Variants in UBQLN1 observed in about 807,000 individuals in gnomAD.
The protein encoded by UBQLN1 is ubiquilin 1.
UBQLN1 carries 13 observed loss-of-function variants against 65.4 expected under a neutral mutation model. The observed-to-expected ratio is 0.20, with a 90% CI of 0.13 to 0.32. The LOEUF (loss-of-function observed/expected upper bound fraction) is 0.32. UBQLN1 is among the 10% of genes least tolerant of loss of function. The pLI, the probability that UBQLN1 is intolerant of heterozygous loss-of-function variation, is 1.00. For missense variants in UBQLN1, 561 were observed against 724.0 expected (o/e 0.77, Z 2.58); for synonymous variants, 267 against 247.8 (o/e 1.08, Z -0.73).
chr9:83,692,394 C>T (rs1832142973), intron 1 of UBQLN1, among the ~76,000 whole-genome samples: 1 of 152,142 alleles, frequency 6.6e-6, no homozygotes, highest in Non-Finnish European at 1.5e-5. Flanking sequence ...ACTTCCTTGT[C>T]TGTTTAATCT....
At chr9:83,701,153 T>C (rs973293893) in intron 1 of UBQLN1, among the ~76,000 whole-genome samples, 11 of 152,190 alleles carry the variant, frequency 7.2e-5, no homozygotes, top group African/African-American at 2.7e-4. Context: ...TTATAGCTGT[T>C]GATATTTATA....
Position 83,665,013 on chromosome 9 carries a change from T to TC in UBQLN1, c.1448+16dup. On this transcript the variant is annotated intron_variant, in intron 9 of 10. Coordinates refer to ENST00000376395, the MANE Select transcript of UBQLN1 (RefSeq NM_013438.5). ...TAACCATTATACACTTTCATTATCTTCCCCAAATAAGCCTACCCTGGGATG... is the reference window on the plus strand; with the variant it reads ...TAACCATTATACACTTTCATTATCTTCCCCCAAATAAGCCTACCCTGGGATG... 1 of 1,559,428 alleles carries TC rather than the reference T, an allele frequency of 6.4e-7. No individual in the cohort carries two copies. Among genetic ancestry groups the TC allele is most frequent in the Non-Finnish European group, 8.8e-7 (1 of 1,139,654 alleles).
chr9:83,671,711 T>C (rs552706524), intron 6 of UBQLN1, among the ~76,000 whole-genome samples: 2 of 152,262 alleles, frequency 1.3e-5, no homozygotes, highest in East Asian at 3.9e-4. Context: ...ATAGGCAGAA[T>C]AGATCTAGCA....
At chr9:83,699,330 T>C (rs192549346) in intron 1 of UBQLN1, among the ~76,000 whole-genome samples, 30 of 152,322 alleles carry the variant, frequency 2.0e-4, no homozygotes, top group African/African-American at 6.7e-4. Flanking sequence ...GAAAATTACA[T>C]ATGTGGCTCA....
chr9:83,667,570 CAGGCTT>C lies in UBQLN1; in HGVS notation c.1249-1143_1249-1138del. 4.1e-6 allele frequency: 4 copies of C among 985,418 alleles called. No individual in the cohort carries two copies. The South Asian group carries it at 1.4e-4, about 35-fold the overall frequency. The allele number at this position is 985,418 out of a possible 1,614,324, so 61.0% of individuals were successfully genotyped here. On this transcript the variant is annotated intron_variant, in intron 7 of 10. Transcript: ENST00000376395. ...TAAGTTCACAGTAAGTAAACTCATA[CAGGCTT>C]AAGGTCAACAAACCTGCTTCTTTAT...
At chr9:83,705,472 A>G (rs1832386621) in intron 1 of UBQLN1, among the ~76,000 whole-genome samples, 1 of 152,104 alleles carries the variant, frequency 6.6e-6, no homozygotes, top group Non-Finnish European at 1.5e-5. Flanking sequence ...CTGGTCTCGA[A>G]CCTCAGGCAA....
intron 6 of UBQLN1, among the ~76,000 whole-genome samples, chr9:83,673,193 G>A (rs1309115458): frequency 2.0e-5 from 3 of 152,256 alleles, no homozygotes; most frequent in Middle Eastern, 3.4e-3. Flanking sequence ...TTATACCACT[G>A]CACTCCAGCC....
chr9:83,693,130 A>G (rs570009170), intron 1 of UBQLN1, among the ~76,000 whole-genome samples: 2 of 152,318 alleles, frequency 1.3e-5, no homozygotes, highest in African/African-American at 2.4e-5. Context: ...GAGAATTACT[A>G]AACTCTTTCT....
chr9:83,662,600 T>C (rs773411559), intron 10 of UBQLN1, among the ~76,000 whole-genome samples: 1 of 152,198 alleles, frequency 6.6e-6, no homozygotes, highest in Non-Finnish European at 1.5e-5. Context: ...ACCTGATAAT[T>C]TGGAGGCTTG....
At chr9:83,703,493 T>C (rs932730699) in intron 1 of UBQLN1, among the ~76,000 whole-genome samples, 1 of 152,018 alleles carries the variant, frequency 6.6e-6, no homozygotes, top group Non-Finnish European at 1.5e-5. Context: ...CCCCAAGATA[T>C]CTCATTATGT....
intron 8 of UBQLN1, 130 bp downstream of exon 8, chr9:83,666,220 G>A (rs1284083266): frequency 5.1e-6 from 4 of 779,200 alleles, no homozygotes; most frequent in Admixed American, 2.3e-5. Context: ...AATTCTCTAC[G>A]AATTGACAGC....
intron 6 of UBQLN1, among the ~76,000 whole-genome samples, chr9:83,670,295 C>T (rs903244792): frequency 1.3e-5 from 2 of 152,036 alleles, no homozygotes; most frequent in Non-Finnish European, 2.9e-5. Context: ...ACATCTGACT[C>T]TTCTCACTTA....
intron 6 of UBQLN1, among the ~76,000 whole-genome samples, chr9:83,669,889 A>G (rs528964435): frequency 6.6e-6 from 1 of 152,302 alleles, no homozygotes; most frequent in African/African-American, 2.4e-5. Context: ...GAGCCTGATT[A>G]CGTGGGTTCA....
chr9:83,704,623 G>A (rs936193513), intron 1 of UBQLN1, among the ~76,000 whole-genome samples: 4 of 152,074 alleles, frequency 2.6e-5, no homozygotes, highest in East Asian at 1.9e-4. Context: ...TCAGGAGTTC[G>A]AGACCAGCCT....
chr9:83,668,732 C>CA, intron 7 of UBQLN1: 8 of 729,666 alleles, frequency 1.1e-5, no homozygotes, highest in Non-Finnish European at 1.3e-5. Flanking sequence ...ATTGTTCTGA[C>CA]AAATTCCCGT....
chr9:83,662,144 T>A (rs979319503), intron 10 of UBQLN1, among the ~76,000 whole-genome samples: 1 of 152,070 alleles, frequency 6.6e-6, no homozygotes, highest in Non-Finnish European at 1.5e-5. Context: ...ACCTAAATAA[T>A]CATGTCAAAT....
At chr9:83,674,344 C>G (rs1831793396) in intron 6 of UBQLN1, among the ~76,000 whole-genome samples, 1 of 152,120 alleles carries the variant, frequency 6.6e-6, no homozygotes, top group Non-Finnish European at 1.5e-5. Flanking sequence ...TAAAAGAATA[C>G]AACATATATA....
chr9:83,666,644 T>TTGAGA, intron 7 of UBQLN1: 1 of 457,278 alleles, frequency 2.2e-6, no homozygotes, highest in Non-Finnish European at 3.9e-6. Flanking sequence ...TCTCTCTCAA[T>TTGAGA]GAGAATGGTG....
intron 1 of UBQLN1, among the ~76,000 whole-genome samples, chr9:83,700,534 A>G (rs1438376729): frequency 6.6e-6 from 1 of 152,220 alleles, no homozygotes; most frequent in Non-Finnish European, 1.5e-5. Flanking sequence ...TTTAGTTGTG[A>G]TGAATTCTTA....
Sources: allele counts gnomAD v4.1 joint callset (sites outside exome capture counted in the v4.1 genomes callset), GRCh38; gene constraint gnomAD v4.1.1; transcripts MANE v1.5; gene names NCBI Gene and HGNC (gene_info 2026-07-23, HGNC 2026-07-21).